CSMD1: variants seen among roughly 807,000 people sequenced by gnomAD.
The protein encoded by CSMD1 is CUB and Sushi multiple domains 1.
In CSMD1, 213 loss-of-function variants were observed where a neutral mutation model predicts 417.5. The observed-to-expected ratio is 0.51, with a 90% CI of 0.46 to 0.57. The LOEUF is 0.57. Ranked by LOEUF, CSMD1 falls within the 20% of genes least tolerant of loss-of-function variation. The pLI is 0.00. For missense variants in CSMD1, 6,923 were observed against 4,529.7 expected (o/e 1.53, Z -15.17); for synonymous variants, 2,862 against 1,736.8 (o/e 1.65, Z -16.11).
intron 2 of CSMD1, among the ~76,000 whole-genome samples, chr8:4,597,508 C>T (rs1046406066): frequency 3.3e-5 from 5 of 151,988 alleles, no homozygotes; most frequent in African/African-American, 9.7e-5. Flanking sequence ...ATATACTTGA[C>T]CAGTTACTCT....
intron 2 of CSMD1, among the ~76,000 whole-genome samples, chr8:4,420,420 G>T (rs1172349303): frequency 6.6e-6 from 1 of 151,810 alleles, no homozygotes; most frequent in Non-Finnish European, 1.5e-5. Flanking sequence ...AATATGTGCA[G>T]GTTTATTAGG....
rs180822115 is a variant in CSMD1 at position 3,022,556 on chromosome 8, T to C, written c.7856-3906A>G. 7.9e-5 allele frequency among the ~76,000 whole-genome samples: 12 copies of C among 152,322 alleles called. No homozygotes were observed. The East Asian group carries it at 2.3e-3, about 29-fold the overall frequency. On this transcript the variant is annotated intron_variant, in intron 51 of 69. Transcript: ENST00000635120. The stretch of plus-strand genomic sequence containing the variant: ...ATATATCAACTTTAAAAAACACTTG[T>C]ATTGTGACATATCAGTTCTCATACC...
intron 26 of CSMD1, 81 bp from the exon 27 acceptor site, chr8:3,230,312 TTGAAGCACTCTTCA>T (rs1049479987): frequency 1.6e-5 from 18 of 1,160,764 alleles, no homozygotes; most frequent in Non-Finnish European, 2.1e-5. Context: ...TTCTTGTGGG[TTGAAGCACTCTTCA>T]TTGGCCTAAT....
chr8:3,904,722 G>A (rs191920133), intron 5 of CSMD1, among the ~76,000 whole-genome samples: 51 of 146,460 alleles, frequency 3.5e-4, no homozygotes, highest in Admixed American at 1.4e-3. Context: ...CAGCAACCTC[G>A]GCCTCCCGGG....
chr8:4,954,435 T>C (rs1585400294), intron 1 of CSMD1, among the ~76,000 whole-genome samples: 2 of 152,168 alleles, frequency 1.3e-5, no homozygotes, highest in South Asian at 4.1e-4. Flanking sequence ...CTGTGCACAA[T>C]TGTATAGCTG....
chr8:3,995,830 G>A lies in CSMD1; in HGVS notation c.818+2073C>T, dbSNP rs147470592. ...TTGAAGAGAGCAGCTAAGCTAACAG[G>A]CAACAGAGTTTATTAGACATGAAGG... On this transcript the variant is annotated intron_variant, in intron 5 of 69. Transcript: ENST00000635120. Among the ~76,000 whole-genome samples the A allele has an allele frequency of 3.5e-4, 53 of 152,238 alleles. 1 individual carries two copies. In the Middle Eastern group the frequency reaches 0.01, roughly 29 times the overall value.
At chr8:3,163,757 C>T (rs1487424552) in intron 37 of CSMD1, among the ~76,000 whole-genome samples, 1 of 152,130 alleles carries the variant, frequency 6.6e-6, no homozygotes, top group Admixed American at 6.5e-5. Context: ...GAGTCAGCAG[C>T]AAGGTCAAGG....
chr8:4,194,891 G>C (rs111274275), intron 3 of CSMD1, among the ~76,000 whole-genome samples: 9 of 152,038 alleles, frequency 5.9e-5, no homozygotes, highest in African/African-American at 1.9e-4. Flanking sequence ...CACATAATTA[G>C]AACTGTTAGT....
chr8:4,768,356 G>T (rs1007939178), intron 1 of CSMD1, among the ~76,000 whole-genome samples: 2 of 152,036 alleles, frequency 1.3e-5, no homozygotes, highest in Admixed American at 6.6e-5. Context: ...AGGAAGACAA[G>T]TCCATCAAAG....
intron 3 of CSMD1, among the ~76,000 whole-genome samples, chr8:4,242,635 G>T (rs1802468227): frequency 6.6e-6 from 1 of 152,140 alleles, no homozygotes; most frequent in Non-Finnish European, 1.5e-5. Context: ...AGGCATCTTT[G>T]TGTGTTTGGA....
chr8:4,926,692 G>A (rs62488178), intron 1 of CSMD1, among the ~76,000 whole-genome samples: 26 of 150,910 alleles, frequency 1.7e-4, no homozygotes, highest in Non-Finnish European at 3.4e-4. Context: ...CTTTTTTTTC[G>A]GTCAGTTAAT....
chr8:4,297,942 AG>A (rs1318538924), intron 3 of CSMD1, among the ~76,000 whole-genome samples: 1 of 152,212 alleles, frequency 6.6e-6, no homozygotes, highest in Non-Finnish European at 1.5e-5. Flanking sequence ...GGAAAATAAA[AG>A]GCTAGGTGAC....
At chr8:4,611,564 A>G (rs752178256) in intron 2 of CSMD1, among the ~76,000 whole-genome samples, 1 of 152,116 alleles carries the variant, frequency 6.6e-6, no homozygotes, top group Non-Finnish European at 1.5e-5. Flanking sequence ...GCCTTCCCAG[A>G]AGTGTTTACA....
intron 5 of CSMD1, among the ~76,000 whole-genome samples, chr8:3,809,255 T>C (rs1303302008): frequency 2.0e-5 from 3 of 152,176 alleles, no homozygotes; most frequent in African/African-American, 7.2e-5. Flanking sequence ...TCTGACCAGC[T>C]GGGTCAGGTC....
intron 25 of CSMD1, among the ~76,000 whole-genome samples, chr8:3,288,377 C>T (rs994266325): frequency 6.8e-6 from 1 of 147,074 alleles, no homozygotes; most frequent in Non-Finnish European, 1.5e-5. Flanking sequence ...AGGAATGGTA[C>T]CAGCTCCTCC....
At chr8:3,527,954 G>C (rs966697119) in intron 10 of CSMD1, among the ~76,000 whole-genome samples, 1 of 152,150 alleles carries the variant, frequency 6.6e-6, no homozygotes. Context: ...TTATCTGGCA[G>C]ATTCTGTGGC....
At chr8:3,503,217 G>C (rs899119525) in intron 10 of CSMD1, among the ~76,000 whole-genome samples, 2 of 152,174 alleles carry the variant, frequency 1.3e-5, no homozygotes, top group African/African-American at 2.4e-5. Context: ...AAGGGAGTTA[G>C]AAAAATATGT....
chr8:4,535,114 T>C (rs1357409605), intron 2 of CSMD1, among the ~76,000 whole-genome samples: 1 of 152,190 alleles, frequency 6.6e-6, no homozygotes, highest in Non-Finnish European at 1.5e-5. Context: ...GAAGATACAA[T>C]ATTAAAAACA....
chr8:4,575,253 G>C (rs948856608), intron 2 of CSMD1, among the ~76,000 whole-genome samples: 1 of 152,114 alleles, frequency 6.6e-6, no homozygotes, highest in Non-Finnish European at 1.5e-5. Context: ...ACAATTAAAA[G>C]GTGGAGATCA....
Sources: gnomAD v4.1 joint callset for allele counts (sites outside exome capture counted in the v4.1 genomes callset) on GRCh38, gnomAD v4.1.1 for gene constraint, MANE v1.5 for transcripts, NCBI Gene and HGNC (gene_info 2026-07-23, HGNC 2026-07-21) for gene names.